The following LEPR variants were observed in gnomAD, a reference collection of about 807,000 sequenced individuals.
LEPR encodes leptin receptor, also known as OB receptor.
In LEPR, 56 loss-of-function variants were observed where a neutral mutation model predicts 114.7. That is an observed-to-expected ratio of 0.49 (90% CI 0.39 to 0.61). LEPR has a LOEUF of 0.61. Ranked by LOEUF, LEPR falls within the 20% of genes least tolerant of loss-of-function variation. The pLI, the probability that LEPR is intolerant of heterozygous loss-of-function variation, is 0.00. For synonymous variants in LEPR, 443 were observed against 461.4 expected, an observed-to-expected ratio of 0.96 and a Z score of 0.51; for missense variants, 1,202 against 1,352.9, an observed-to-expected ratio of 0.89 and a Z score of 1.75.
At chr1:65,509,760 T>C (rs1289892003) in intron 2 of LEPR, among the ~76,000 whole-genome samples, 1 of 152,238 alleles carries the variant, frequency 6.6e-6, no homozygotes, top group Non-Finnish European at 1.5e-5. Context: ...GTTTTTATTC[T>C]CATTACTTTC....
intron 2 of LEPR, among the ~76,000 whole-genome samples, chr1:65,533,821 A>T (rs748192691): frequency 6.6e-6 from 1 of 152,104 alleles, no homozygotes; most frequent in Admixed American, 6.6e-5. Flanking sequence ...CTTGATTTCT[A>T]ATGTTTCTTT....
rs1440535359 is a variant in LEPR, at chr1:65,601,384, C to T, written c.995-8C>T. The stretch of plus-strand genomic sequence containing the variant: ...CTTCATCTGATATCCTTTCTTCCCT[C>T]ATTACAGATGTCATATACTTTCCAC... On this transcript the variant is annotated splice_polypyrimidine_tract_variant and splice_region_variant and intron_variant, in intron 8 of 19. Coordinates refer to ENST00000349533, the MANE Select transcript of LEPR (RefSeq NM_002303.6). The T allele has an allele frequency of 1.2e-6, 2 of 1,611,462 alleles. No individual in the cohort carries two copies. The highest frequency in any genetic ancestry group is 1.3e-5 in the African/African-American group (1 of 74,880).
At chr1:65,422,212 A>G (rs1178411936) in intron 1 of LEPR, among the ~76,000 whole-genome samples, 1 of 152,224 alleles carries the variant, frequency 6.6e-6, no homozygotes, top group South Asian at 2.1e-4. Context: ...CCCTAATCCA[A>G]TGACTGGTGT....
chr1:65,524,335 T>A (rs1649791557), intron 2 of LEPR, among the ~76,000 whole-genome samples: 1 of 152,164 alleles, frequency 6.6e-6, no homozygotes, highest in African/African-American at 2.4e-5. Context: ...CAAGGGTTAG[T>A]GTTTCTGGGT....
At chr1:65,588,720 C>T (rs535734486) in intron 5 of LEPR, among the ~76,000 whole-genome samples, 5 of 152,162 alleles carry the variant, frequency 3.3e-5, no homozygotes, top group Admixed American at 6.6e-5. Context: ...CTTTCATATA[C>T]ATGATTATCT....
intron 3 of LEPR, among the ~76,000 whole-genome samples, chr1:65,566,386 A>G (rs1253854077): frequency 6.6e-6 from 1 of 151,962 alleles, no homozygotes; most frequent in African/African-American, 2.4e-5. Context: ...TATTTTTAGT[A>G]GAGACGGGGT....
At chr1:65,616,273 C>G in intron 15 of LEPR, 49 bp downstream of exon 15, 1 of 1,563,066 alleles carries the variant, frequency 6.4e-7, no homozygotes, top group Non-Finnish European at 8.8e-7. Context: ...TAATATTTAA[C>G]TTTTGCAAAC....
At chr1:65,484,632 T>C (rs530164845) in intron 2 of LEPR, among the ~76,000 whole-genome samples, 11 of 152,290 alleles carry the variant, frequency 7.2e-5, no homozygotes, top group Admixed American at 5.2e-4. Context: ...GGGTGAGGCA[T>C]AGTGCCATCA....
At chr1:65,556,409 G>C (rs376627768) in intron 2 of LEPR, among the ~76,000 whole-genome samples, 2 of 152,156 alleles carry the variant, frequency 1.3e-5, no homozygotes, top group South Asian at 4.1e-4. Flanking sequence ...AGTTCATGCA[G>C]CTCTACTTGT....
chr1:65,517,695 T>C (rs1649361140), intron 2 of LEPR, among the ~76,000 whole-genome samples: 1 of 152,242 alleles, frequency 6.6e-6, no homozygotes, highest in Non-Finnish European at 1.5e-5. Flanking sequence ...ATCACCATCA[T>C]TCTAGTCTAA....
intron 18 of LEPR, 150 bp downstream of exon 18, chr1:65,621,608 G>A (rs535433084): frequency 5.1e-5 from 34 of 670,246 alleles, no homozygotes; most frequent in Admixed American, 3.4e-4. Flanking sequence ...AAAAAGGAAA[G>A]GCCTGTTGTG....
intron 2 of LEPR, among the ~76,000 whole-genome samples, chr1:65,529,619 T>TA (rs1200198226): frequency 6.6e-6 from 1 of 151,868 alleles, no homozygotes; most frequent in Non-Finnish European, 1.5e-5. Flanking sequence ...TTCACACTGT[T>TA]AAAAAAAACT....
chr1:65,531,493 T>A (rs1004740450), intron 2 of LEPR, among the ~76,000 whole-genome samples: 1 of 151,992 alleles, frequency 6.6e-6, no homozygotes, highest in South Asian at 2.1e-4. Flanking sequence ...TTTTACCTTA[T>A]AAAATACTGT....
In LEPR at chr1:65,613,646, G is replaced by A. The variant is rs1022358242; in HGVS notation, c.1996-2362G>A. ...CGGGCGCCTGTAGTCCCAGCTACTC[G>A]GGAGGCTGAGGCAGGAGAATGGCGT... is the stretch of plus-strand genomic sequence containing the variant. On this transcript the variant is annotated intron_variant, in intron 14 of 19. Coordinates refer to ENST00000349533, the MANE Select transcript of LEPR (RefSeq NM_002303.6). 2.7e-4 allele frequency among the ~76,000 whole-genome samples: 35 copies of A among 129,300 alleles called. 4 individuals carry two copies. The highest frequency in any genetic ancestry group is 2.6e-3 in the East Asian group (4 of 1,562). The allele number at this position is 129,300 out of a possible 152,430, so 84.8% of individuals were successfully genotyped here.
intron 14 of LEPR, among the ~76,000 whole-genome samples, chr1:65,610,645 A>G (rs1657106546): frequency 6.6e-6 from 1 of 152,196 alleles, no homozygotes; most frequent in Non-Finnish European, 1.5e-5. Context: ...ATTCATATTT[A>G]ATCCTGAACA....
chr1:65,619,766 A>C (rs1657763113), intron 16 of LEPR, among the ~76,000 whole-genome samples, 162 bp from the exon 17 acceptor site: 1 of 152,224 alleles, frequency 6.6e-6, no homozygotes, highest in Non-Finnish European at 1.5e-5. Context: ...AGAAGTGCTT[A>C]AGTTTGTTTT....
At chr1:65,517,840 A>G (rs1202202463) in intron 2 of LEPR, among the ~76,000 whole-genome samples, 1 of 152,214 alleles carries the variant, frequency 6.6e-6, no homozygotes, top group East Asian at 1.9e-4. Flanking sequence ...TGAGAGTTAG[A>G]AAGTTATTCC....
rs142332957 is a variant in LEPR at position 65,546,777 on chromosome 1, T to A, written c.-20-18769T>A. ...AAACAGGGACAATTTGACTTCCTGT[T>A]TTCCTAGTTGAATACCCTTTATTTC... is the stretch of plus-strand genomic sequence containing the variant. On this transcript the variant is annotated intron_variant, in intron 2 of 19. Coordinates refer to ENST00000349533, the MANE Select transcript of LEPR (RefSeq NM_002303.6). Among the ~76,000 whole-genome samples the A allele has an allele frequency of 5.5e-3, 839 of 152,314 alleles. 10 individuals are homozygous for A. Among genetic ancestry groups the A allele is most frequent in the African/African-American group, 0.019 (807 of 41,574 alleles).
intron 2 of LEPR, among the ~76,000 whole-genome samples, chr1:65,518,062 G>A (rs997150563): frequency 2.6e-5 from 4 of 152,184 alleles, no homozygotes; most frequent in Non-Finnish European, 5.9e-5. Flanking sequence ...TTTCTCCAGA[G>A]GTTTTTGTTG....
Sources: gnomAD v4.1 joint callset for allele counts (sites outside exome capture counted in the v4.1 genomes callset) on GRCh38, gnomAD v4.1.1 for gene constraint, MANE v1.5 for transcripts, NCBI Gene and HGNC (gene_info 2026-07-23, HGNC 2026-07-21) for gene names.